Variants in IDO2 observed in about 807,000 individuals in gnomAD.
IDO2 encodes the protein indoleamine 2,3-dioxygenase-like 1 protein.
Under a neutral mutation model 45.1 loss-of-function variants are expected in IDO2, and 46 were observed. That is an observed-to-expected ratio of 1.02 (90% CI 0.80 to 1.30). The LOEUF (loss-of-function observed/expected upper bound fraction) is 1.30, where lower values mean the gene tolerates loss of function less well. Ranked by LOEUF, IDO2 falls within the 50% of genes most tolerant of loss-of-function variation. The pLI, the probability that IDO2 is intolerant of heterozygous loss-of-function variation, is 0.00. For synonymous variants in IDO2, 218 were observed against 184.9 expected, an observed-to-expected ratio of 1.18 and a Z score of -1.45; for missense variants, 544 against 491.8, an observed-to-expected ratio of 1.11 and a Z score of -1.00.
At chr8:39,976,332 G>A (rs969499763) in intron 3 of IDO2, among the ~76,000 whole-genome samples, 11 of 152,038 alleles carry the variant, frequency 7.2e-5, no homozygotes, top group African/African-American at 2.7e-4. Context: ...TATATAAATA[G>A]CGAGGAAATA....
At chr8:39,967,479 TAA>T (rs1036356082) in intron 3 of IDO2, among the ~76,000 whole-genome samples, 1 of 150,918 alleles carries the variant, frequency 6.6e-6, no homozygotes, top group Non-Finnish European at 1.5e-5. Context: ...TGCTAAATAT[TAA>T]AAGACAGTTT....
chr8:40,013,541 C>T, intron 9 of IDO2, 24 bp from the exon 10 acceptor site: 1 of 1,605,090 alleles, frequency 6.2e-7, no homozygotes, highest in South Asian at 1.1e-5. Context: ...CCCCTTTCAT[C>T]TCTCTCACTT....
intron 4 of IDO2, among the ~76,000 whole-genome samples, chr8:39,981,863 C>T (rs1808358634): frequency 6.6e-6 from 1 of 152,158 alleles, no homozygotes; most frequent in Non-Finnish European, 1.5e-5. Context: ...TAGAGAACCT[C>T]ATACAGCTTT....
At chr8:40,003,472 A>T (rs1802171769) in intron 8 of IDO2, among the ~76,000 whole-genome samples, 1 of 149,126 alleles carries the variant, frequency 6.7e-6, no homozygotes, top group African/African-American at 2.5e-5. Flanking sequence ...CTTCTGCTTT[A>T]TTCATAGTTA....
intron 1 of IDO2, among the ~76,000 whole-genome samples, chr8:39,941,220 T>TAAAAAAA (rs1585393190): frequency 5.0e-4 from 6 of 12,014 alleles, no homozygotes; most frequent in Admixed American, 1.3e-3. Context: ...AGACTCCATC[T>TAAAAAAA]CAAAAAAAAA....
At chr8:39,966,593 T>C (rs1330723420) in intron 3 of IDO2, among the ~76,000 whole-genome samples, 1 of 152,208 alleles carries the variant, frequency 6.6e-6, no homozygotes, top group Non-Finnish European at 1.5e-5. Context: ...AGCTTTGATC[T>C]TACAGTGCAC....
intron 8 of IDO2, among the ~76,000 whole-genome samples, chr8:39,997,458 C>T (rs1430668688): frequency 6.6e-6 from 1 of 152,136 alleles, no homozygotes; most frequent in Non-Finnish European, 1.5e-5. Flanking sequence ...ATCGCTTGAG[C>T]CCAGGAGTTT....
intron 4 of IDO2, among the ~76,000 whole-genome samples, chr8:39,979,622 G>A (rs1219530793): frequency 3.9e-5 from 6 of 152,112 alleles, no homozygotes; most frequent in Non-Finnish European, 7.4e-5. Context: ...CACAGTGCTG[G>A]GATTATAGGC....
At chr8:39,934,933 T>C in exon 1 of IDO2, 1 of 613,094 alleles carries the variant, frequency 1.6e-6, no homozygotes. Flanking sequence ...GTTGAGTCCA[T>C]ACACACTGGT....
intron 9 of IDO2, among the ~76,000 whole-genome samples, chr8:40,008,230 G>C (rs1039336227): frequency 6.6e-6 from 1 of 151,970 alleles, no homozygotes; most frequent in African/African-American, 2.4e-5. Context: ...ATTTTTCATA[G>C]AGATGTGGTC....
intron 2 of IDO2, among the ~76,000 whole-genome samples, chr8:39,951,960 T>A (rs1281193645): frequency 1.3e-5 from 2 of 152,232 alleles, no homozygotes; most frequent in African/African-American, 4.8e-5. Context: ...GTTTTGTTAA[T>A]GGAATGTCCA....
At chr8:39,993,277 T>C (rs1033904764) in intron 8 of IDO2, among the ~76,000 whole-genome samples, 1 of 152,118 alleles carries the variant, frequency 6.6e-6, no homozygotes, top group Non-Finnish European at 1.5e-5. Context: ...CCCTGTTCTC[T>C]AGGAAGTAAT....
intron 5 of IDO2, 35 bp downstream of exon 5, chr8:39,982,805 A>G: frequency 7.5e-7 from 1 of 1,329,418 alleles, no homozygotes; most frequent in South Asian, 1.3e-5. Context: ...AATTTCCATA[A>G]CTTTCCCCCA....
chr8:39,989,302 G>C (rs930192276), intron 7 of IDO2, among the ~76,000 whole-genome samples: 2 of 152,094 alleles, frequency 1.3e-5, no homozygotes, highest in Non-Finnish European at 2.9e-5. Context: ...TCAGCCTGTG[G>C]GGATTACCAT....
intron 2 of IDO2, among the ~76,000 whole-genome samples, chr8:39,957,893 T>A (rs1167080630): frequency 6.6e-6 from 1 of 152,160 alleles, no homozygotes; most frequent in African/African-American, 2.4e-5. Flanking sequence ...TTTACCTGGT[T>A]TATTTTATTT....
intron 2 of IDO2, among the ~76,000 whole-genome samples, chr8:39,962,092 C>T (rs1003801986): frequency 1.8e-4 from 27 of 152,132 alleles, no homozygotes; most frequent in African/African-American, 4.8e-4. Context: ...TGAAAATTCA[C>T]GAAAATTAAT....
chr8:40,014,608 G>GA (rs1211572146), intron 10 of IDO2, among the ~76,000 whole-genome samples: 1 of 152,130 alleles, frequency 6.6e-6, no homozygotes, highest in Non-Finnish European at 1.5e-5. Flanking sequence ...TACATTTGAA[G>GA]ATATTCCTTA....
intron 1 of IDO2, among the ~76,000 whole-genome samples, chr8:39,943,641 G>T (rs1807682705): frequency 6.6e-6 from 1 of 151,442 alleles, no homozygotes; most frequent in South Asian, 2.1e-4. Flanking sequence ...GGAGGCTGAG[G>T]CAGGAGAATG....
chr8:39,954,057 C>A (rs1289074528), intron 2 of IDO2, among the ~76,000 whole-genome samples: 2 of 152,112 alleles, frequency 1.3e-5, no homozygotes, highest in African/African-American at 4.8e-5. Context: ...ATTTTTCCGG[C>A]CATTTTATTG....
Sources: allele counts gnomAD v4.1 joint callset (sites outside exome capture counted in the v4.1 genomes callset), GRCh38; gene constraint gnomAD v4.1.1; transcripts MANE v1.5; gene names NCBI Gene and HGNC (gene_info 2026-07-23, HGNC 2026-07-21).